SEMA6B: variants seen among roughly 807,000 people sequenced by gnomAD.
The protein encoded by SEMA6B is semaphorin 6B.
Under a neutral mutation model 78.6 loss-of-function variants are expected in SEMA6B, and 47 were observed. The observed-to-expected ratio is 0.60, with a 90% confidence interval of 0.47 to 0.76. The LOEUF (loss-of-function observed/expected upper bound fraction) is 0.76, where lower values mean the gene tolerates loss of function less well. Ranked by LOEUF, SEMA6B falls within the 30% of genes least tolerant of loss-of-function variation. The pLI is 0.00. For missense variants in SEMA6B, 1,213 were observed against 1,269.9 expected (o/e 0.96, Z 0.68); for synonymous variants, 632 against 592.2 (o/e 1.07, Z -0.98).
chr19:4,555,492 T>G lies in SEMA6B; in HGVS notation c.544A>C (p.Asn182His). Reference sequence around the variant, plus strand: ...TACTTACCAGAGAAGAGGGCAACATTGGCGTGCTTGGGGTCGTACGGGCAG... The same window carrying G: ...TACTTACCAGAGAAGAGGGCAACATGGGCGTGCTTGGGGTCGTACGGGCAG... ...ARCPYDPKHA[N>H]VALFSDGMLF... The change falls in exon 7 of 17, where the codon AAT becomes CAT. Residue 182 changes from asparagine (N) to histidine (H), a missense_variant. Physicochemically the swap from Asn to His is moderately conservative, Grantham distance 68. Coordinates refer to ENST00000586582, the MANE Select transcript of SEMA6B (RefSeq NM_032108.4). The surrounding 1 kb of genome is among the most constrained non-coding windows in gnomAD (Gnocchi z 6.1). 6.2e-7 allele frequency: 1 copy of G among 1,612,928 alleles called. No homozygotes were observed. The highest frequency in any genetic ancestry group is 8.5e-7 in the Non-Finnish European group (1 of 1,179,544).
chr19:4,555,850 G>T lies in SEMA6B; in HGVS notation c.471+138C>A. 1 of 742,364 alleles carries T rather than the reference G, an allele frequency of 1.3e-6. No individual in the cohort carries two copies. The highest frequency in any genetic ancestry group is 2.6e-5 in the East Asian group (1 of 39,134). 46.0% of individuals were successfully genotyped at this position (742,364 alleles called of 1,614,324 possible). A position where few individuals can be genotyped will look rare whatever the true frequency, so the allele number is the denominator to read the frequency against. ...GCGCTGACTCCTCTTGAGCTCAGGG[G>T]GAGGAGGCAGGGAGAGTATATCCAG... On this transcript the variant is annotated intron_variant, in intron 6 of 16. Transcript: ENST00000586582. The surrounding 1 kb of genome is among the most constrained non-coding windows in gnomAD (Gnocchi z 6.1).
In SEMA6B at chr19:4,558,133, G is replaced by C. The variant is rs1476654607; in HGVS notation, c.138C>G (p.Pro46=). 1 of 1,505,334 alleles carries C rather than the reference G, an allele frequency of 6.6e-7. No homozygotes were observed. Among genetic ancestry groups the C allele is most frequent in the Non-Finnish European group, 8.9e-7 (1 of 1,118,256 alleles). The allele number at this position is 1,505,334 out of a possible 1,614,324, so 93.2% of individuals were successfully genotyped here. A position where few individuals can be genotyped will look rare whatever the true frequency, so the allele number is the denominator to read the frequency against. ...GTCCGGGCCCGCTGCCCACAAACAC[G>C]GGATAGTGGTTCAGGTCTGAGTGAG... ...VAPRDYLNHY[P]VFVGSGPGRL... The change falls in exon 3 of 17, where the codon CCC becomes CCG. Residue 46 remains proline, a synonymous_variant. Coordinates refer to ENST00000586582, the MANE Select transcript of SEMA6B (RefSeq NM_032108.4). This position sits in a 1 kb window ranked among gnomAD's most constrained non-coding sequence, Gnocchi z 5.1.
chr19:4,556,168 T>C (rs574439489), intron 5 of SEMA6B, 79 bp from the exon 6 acceptor site: 6 of 1,011,464 alleles, frequency 5.9e-6, no homozygotes, highest in Admixed American at 5.5e-5. Context: ...ACCTGAGTTG[T>C]GTGGGTGGAG....
At position 4,558,359 on chromosome 19, in the gene SEMA6B, C is replaced by T. The variant is rs1599784689; in HGVS notation, c.99G>A (p.Pro33=). The change falls in exon 2 of 17, where the codon CCG becomes CCA. Residue 33 remains proline (P), a synonymous_variant. Transcript: ENST00000586582. This position sits in a 1 kb window ranked among gnomAD's most constrained non-coding sequence, Gnocchi z 5.1. The part of the protein sequence containing the change: ...AHGLFPEEPP[P]LSVAPRDYLN... ...CACAGTCCCTGGGGGCCACGCTAAG[C>T]GGCGGCGGCTCCTCAGGAAAGAGGC... The T allele has an allele frequency of 7.7e-7, 1 of 1,297,468 alleles. No homozygotes were observed. The highest frequency in any genetic ancestry group is 9.9e-7 in the Non-Finnish European group (1 of 1,013,972). The allele number at this position is 1,297,468 out of a possible 1,614,324, so 80.4% of individuals were successfully genotyped here. A position where few individuals can be genotyped will look rare whatever the true frequency, so the allele number is the denominator to read the frequency against.
chr19:4,550,724 C>A lies in SEMA6B; in HGVS notation c.1121+75G>T, dbSNP rs370254495. 2 of 1,559,402 alleles carry A rather than the reference C, an allele frequency of 1.3e-6. No individual in the cohort carries two copies. The highest frequency in any genetic ancestry group is 1.8e-4 in the Middle Eastern group (1 of 5,704). ...ACTCAGCATCAGCTAAATAACCACC[C>A]GGAAGCCCCAGCCCTCGGCCCTGGG... On this transcript the variant is annotated intron_variant, in intron 11 of 16. Coordinates refer to ENST00000586582, the MANE Select transcript of SEMA6B (RefSeq NM_032108.4). The surrounding 1 kb of genome is among the most constrained non-coding windows in gnomAD (Gnocchi z 6.6).
At position 4,555,367 on chromosome 19, in the gene SEMA6B, C is replaced by A; in HGVS notation, c.562+107G>T. The A allele has an allele frequency of 1.0e-6, 1 of 1,002,880 alleles. No individual in the cohort carries two copies. 62.1% of individuals were successfully genotyped at this position (1,002,880 alleles called of 1,614,324 possible). ...GAGTCTGCCCATGTCACAGCTGGGACAAGTGGTCGTCCAGCTGCCTTCTAA... is the reference window on the plus strand; with the variant it reads ...GAGTCTGCCCATGTCACAGCTGGGAAAAGTGGTCGTCCAGCTGCCTTCTAA... On this transcript the variant is annotated intron_variant, in intron 7 of 16. Transcript: ENST00000586582. This position sits in a 1 kb window ranked among gnomAD's most constrained non-coding sequence, Gnocchi z 6.1.
At chr19:4,557,244 G>T in intron 3 of SEMA6B, 21 bp from the exon 4 acceptor site, 1 of 1,551,074 alleles carries the variant, frequency 6.4e-7, no homozygotes, top group Non-Finnish European at 8.7e-7. Flanking sequence ...GGCATAGTTA[G>T]TGAGAACTGG....
At chr19:4,556,864 T>A in intron 5 of SEMA6B, 87 bp downstream of exon 5, 1 of 1,078,958 alleles carries the variant, frequency 9.3e-7, no homozygotes, top group Non-Finnish European at 1.2e-6. Context: ...GCTGGCGGGG[T>A]GGGCGTGGCC....
chr19:4,544,722 G>A lies in SEMA6B; in HGVS notation c.1739-193C>T, dbSNP rs147147463. On this transcript the variant is annotated intron_variant, in intron 16 of 16. Transcript: ENST00000586582. The surrounding 1 kb of genome is among the most constrained non-coding windows in gnomAD (Gnocchi z 5.1). Reference sequence around the variant, plus strand: ...GCGATCTCGATTCACTGCAACCTCCGCCTCCCATGTTCAAGTGATTCTCCT... The same window carrying A: ...GCGATCTCGATTCACTGCAACCTCCACCTCCCATGTTCAAGTGATTCTCCT... Among the ~76,000 whole-genome samples, 866 of 151,896 alleles carry A rather than the reference G, an allele frequency of 5.7e-3. 9 individuals carry two copies. The highest frequency in any genetic ancestry group is 0.02 in the African/African-American group (834 of 41,406).
At chr19:4,553,756 G>T (rs559385181) in intron 9 of SEMA6B, among the ~76,000 whole-genome samples, 12 of 141,694 alleles carry the variant, frequency 8.5e-5, no homozygotes, top group African/African-American at 3.0e-4. Flanking sequence ...GGGTGTGTTG[G>T]TGGATGGGTA....
At position 4,546,245 on chromosome 19, in the gene SEMA6B, GC is replaced by G; in HGVS notation, c.1708del (p.Ala570ProfsTer6). Reference sequence around the variant, plus strand: ...GCAGTCCCCTAAGCCTGAGGTGCTGGCCCCGGACACGTCCTGCTCAAAGGCG... The same window carrying G: ...GCAGTCCCCTAAGCCTGAGGTGCTGGCCCGGACACGTCCTGCTCAAAGGCG... The part of the protein sequence containing the change: ...RAAFEQDVSG[A>X]STSGLGDCTG... On this transcript the variant is annotated frameshift_variant, in exon 16 of 17. Transcript: ENST00000586582. LOFTEE classifies it high-confidence loss of function. 4.3e-6 allele frequency: 7 copies of G among 1,612,956 alleles called. No homozygotes were observed. The highest frequency in any genetic ancestry group is 5.9e-6 in the Non-Finnish European group (7 of 1,179,918).
rs1355239979 is a variant in SEMA6B at position 4,559,536 on chromosome 19, G to A, written c.-39C>T. ...AGTTCAGAGCACCCCCTACCAGAAA[G>A]GGGTACAGTCCAGGTCCCGGAGCCC... On this transcript the variant is annotated 5_prime_UTR_variant, in exon 1 of 17. Transcript: ENST00000586582. The A allele has an allele frequency of 6.6e-6, 1 of 152,160 alleles. No individual in the cohort carries two copies. The highest frequency in any genetic ancestry group is 2.4e-5 in the African/African-American group (1 of 41,420). 9.4% of individuals were successfully genotyped at this position (152,160 alleles called of 1,614,324 possible).
At chr19:4,554,721 G>C (rs72975852) in intron 8 of SEMA6B, among the ~76,000 whole-genome samples, 1 of 152,326 alleles carries the variant, frequency 6.6e-6, no homozygotes, top group Non-Finnish European at 1.5e-5. Flanking sequence ...GTGTTGAAGA[G>C]CTGAGTCCTG....
chr19:4,553,727 G>T, intron 9 of SEMA6B, among the ~76,000 whole-genome samples: 1 of 133,362 alleles, frequency 7.5e-6, no homozygotes. Context: ...TGGATGGATG[G>T]ATGGGTGGGT....
At chr19:4,553,086 C>A (rs1977373582) in intron 9 of SEMA6B, among the ~76,000 whole-genome samples, 2 of 151,978 alleles carry the variant, frequency 1.3e-5, no homozygotes, top group South Asian at 4.1e-4. Context: ...GATGGACGGA[C>A]GATTACAATG....
In SEMA6B at chr19:4,544,133, T is replaced by A; in HGVS notation, c.2135A>T (p.Gln712Leu). The change falls in exon 17 of 17, where the codon CAG becomes CTG. Residue 712 changes from glutamine (Q) to leucine (L), a missense_variant. Transcript: ENST00000586582. The surrounding 1 kb of genome is among the most constrained non-coding windows in gnomAD (Gnocchi z 5.1). Reference protein sequence around the residue: ...LDSGLLPTPEQTPLPQKRLPT... With the variant: ...LDSGLLPTPELTPLPQKRLPT... ...CAGGCGCTTCTGCGGCAGCGGCGTCTGCTCGGGCGTGGGCAGCAGCCCCGA... is the reference window on the plus strand; with the variant it reads ...CAGGCGCTTCTGCGGCAGCGGCGTCAGCTCGGGCGTGGGCAGCAGCCCCGA... 7.9e-7 allele frequency: 1 copy of A among 1,273,586 alleles called. No individual in the cohort carries two copies. Among genetic ancestry groups the A allele is most frequent in the South Asian group, 2.6e-5 (1 of 38,512 alleles). 78.9% of individuals were successfully genotyped at this position (1,273,586 alleles called of 1,614,324 possible).
At position 4,555,494 on chromosome 19, in the gene SEMA6B, G is replaced by C. The variant is rs756660363; in HGVS notation, c.542C>G (p.Ala181Gly). The change falls in exon 7 of 17, where the codon GCC (alanine) becomes GGC (glycine). Residue 181 changes from alanine (A) to glycine (G), a missense_variant. Physicochemically the swap from Ala to Gly is moderately conservative, Grantham distance 60. Coordinates refer to ENST00000586582, the MANE Select transcript of SEMA6B (RefSeq NM_032108.4). This position sits in a 1 kb window ranked among gnomAD's most constrained non-coding sequence, Gnocchi z 6.1. Reference protein sequence around the residue: ...MARCPYDPKHANVALFSDGML... With the variant: ...MARCPYDPKHGNVALFSDGML... ...CTTACCAGAGAAGAGGGCAACATTG[G>C]CGTGCTTGGGGTCGTACGGGCAGCG... 1 of 1,613,120 alleles carries C rather than the reference G, an allele frequency of 6.2e-7. No individual in the cohort carries two copies. The highest frequency in any genetic ancestry group is 1.1e-5 in the South Asian group (1 of 90,990).
chr19:4,557,150 A>C lies in SEMA6B; in HGVS notation c.306+13T>G, dbSNP rs779390091. On this transcript the variant is annotated intron_variant, in intron 4 of 16. Coordinates refer to ENST00000586582, the MANE Select transcript of SEMA6B (RefSeq NM_032108.4). ...GCCCTACCCCTCCACTCCCACCTGCACCCCTTCCTCACCCTCTGGTACCGC... is the reference window on the plus strand; with the variant it reads ...GCCCTACCCCTCCACTCCCACCTGCCCCCCTTCCTCACCCTCTGGTACCGC... The C allele has an allele frequency of 6.2e-7, 1 of 1,608,726 alleles. No individual in the cohort carries two copies. The highest frequency in any genetic ancestry group is 1.1e-5 in the South Asian group (1 of 90,774).
Position 4,558,444 on chromosome 19 carries a change from C to T in SEMA6B, c.14G>A (p.Arg5Gln), listed in dbSNP as rs1977534902. ...CAGGGCCGGGCGGGGAGGGGACGCT[C>T]GCGGGGTCTGCATGGCGAGGGCCAG... MQTPRASPPRPALLL... is the reference protein window; with the variant it reads MQTPQASPPRPALLL... The change falls in exon 2 of 17, where the codon CGA (arginine) becomes CAA (glutamine). Residue 5 changes from arginine to glutamine, a missense_variant. By Grantham distance (43) the Arg-to-Gln change is conservative (BLOSUM62 1). Coordinates refer to ENST00000586582, the MANE Select transcript of SEMA6B (RefSeq NM_032108.4). This position sits in a 1 kb window ranked among gnomAD's most constrained non-coding sequence, Gnocchi z 5.1. The T allele has an allele frequency of 2.4e-6, 3 of 1,249,324 alleles. No homozygotes were observed. Among genetic ancestry groups the T allele is most frequent in the Non-Finnish European group, 3.0e-6 (3 of 991,250 alleles). 77.4% of individuals were successfully genotyped at this position (1,249,324 alleles called of 1,614,324 possible). A position where few individuals can be genotyped will look rare whatever the true frequency, so the allele number is the denominator to read the frequency against.
Sources: gnomAD v4.1 joint callset for allele counts (sites outside exome capture counted in the v4.1 genomes callset) on GRCh38, gnomAD v4.1.1 for gene constraint, Gnocchi (gnomAD v3.1) non-coding constraint, MANE v1.5 for transcripts, NCBI Gene and HGNC (gene_info 2026-07-23, HGNC 2026-07-21) for gene names.